Variants in PCDHGA3 observed in about 807,000 individuals in gnomAD.
PCDHGA3 encodes protocadherin gamma subfamily A, 3, also known as protocadherin gamma-A3.
PCDHGA3 carries 40 observed loss-of-function variants against 58.5 expected under a neutral mutation model. The observed-to-expected ratio is 0.68, with a 90% CI of 0.53 to 0.89. PCDHGA3 has a LOEUF of 0.89. Ranked by LOEUF, PCDHGA3 falls within the 40% of genes least tolerant of loss-of-function variation. The probability of loss-of-function intolerance (pLI) is 0.00; values close to 1 mark genes in which losing one functional copy is unlikely to be tolerated. For synonymous variants in PCDHGA3, 530 were observed against 525.7 expected (o/e 1.01, Z -0.11); for missense variants, 1,223 against 1,195.9 (o/e 1.02, Z -0.33).
At chr5:141,473,330 C>T (rs1431360397) in intron 1 of PCDHGA3, among the ~76,000 whole-genome samples, 2 of 152,208 alleles carry the variant, frequency 1.3e-5, no homozygotes, top group East Asian at 3.8e-4. Flanking sequence ...TAAGTGCCTG[C>T]TGTGCTAGAC....
chr5:141,497,197 A>G (rs1243476120), intron 2 of PCDHGA3, among the ~76,000 whole-genome samples: 2 of 106,804 alleles, frequency 1.9e-5, no homozygotes, highest in African/African-American at 5.7e-5. Flanking sequence ...GCAGAGAACA[A>G]TGTGAGTGTA....
intron 1 of PCDHGA3, chr5:141,400,317 G>A: frequency 6.2e-7 from 1 of 1,614,078 alleles, no homozygotes; most frequent in Middle Eastern, 1.6e-4. Flanking sequence ...TCTGTGTCAA[G>A]TCTGGACCTG....
At chr5:141,466,022 T>C (rs1053231186) in intron 1 of PCDHGA3, among the ~76,000 whole-genome samples, 4 of 151,628 alleles carry the variant, frequency 2.6e-5, no homozygotes, top group African/African-American at 9.7e-5. Flanking sequence ...CTCGGGAGGG[T>C]GAGGCAGGAG....
At chr5:141,495,591 C>G (rs2099762279) in intron 2 of PCDHGA3, among the ~76,000 whole-genome samples, 3 of 152,222 alleles carry the variant, frequency 2.0e-5, no homozygotes, top group African/African-American at 7.2e-5. Context: ...CCATCTCTGT[C>G]TTAGCTTCCG....
rs564367150 is a variant in PCDHGA3 at position 141,464,990 on chromosome 5, C to T, written c.2425-29817C>T. Among the ~76,000 whole-genome samples, 147 of 152,192 alleles carry T rather than the reference C, an allele frequency of 9.7e-4. 1 individual carries two copies. Among genetic ancestry groups the T allele is most frequent in the African/African-American group, 3.5e-3 (144 of 41,536 alleles). On this transcript the variant is annotated intron_variant, in intron 1 of 3. Transcript: ENST00000253812. ...CTACTGGCTTCAAGTGATCCTCCCA[C>T]CTCAGCCTCCCAAAGTGCTAAGATT...
At chr5:141,409,389 C>T (rs1445649056) in intron 1 of PCDHGA3, 2 of 1,613,888 alleles carry the variant, frequency 1.2e-6, no homozygotes, top group Non-Finnish European at 1.7e-6. Flanking sequence ...AAGATTTATT[C>T]TTCTTCCAAT....
chr5:141,419,317 T>C, intron 1 of PCDHGA3: 1 of 1,613,952 alleles, frequency 6.2e-7, no homozygotes, highest in Non-Finnish European at 8.5e-7. Flanking sequence ...TCAACGGCCG[T>C]GTCTCCTACT....
intron 1 of PCDHGA3, chr5:141,388,813 T>G: frequency 6.2e-7 from 1 of 1,613,884 alleles, no homozygotes; most frequent in Non-Finnish European, 8.5e-7. Flanking sequence ...TTTGAAGAAG[T>G]CAAAGAATAT....
At position 141,491,660 on chromosome 5, in the gene PCDHGA3, C is replaced by G; in HGVS notation, c.2425-3147C>G. 6.2e-7 allele frequency: 1 copy of G among 1,613,810 alleles called. No individual in the cohort carries two copies. ...ACAGCTCTGGCGCTGGAGCCTGACG[C>G]CATCCGGTCCCGCTCTAATACGCTG... is the stretch of plus-strand genomic sequence containing the variant. On this transcript the variant is annotated intron_variant, in intron 1 of 3. Transcript: ENST00000253812. The surrounding 1 kb of genome is among the most constrained non-coding windows in gnomAD (Gnocchi z 6.9).
chr5:141,393,656 C>T (rs762750239), intron 1 of PCDHGA3: 2 of 1,613,868 alleles, frequency 1.2e-6, no homozygotes, highest in East Asian at 4.5e-5. Context: ...CATACAAATT[C>T]CGGAAAATTA....
At position 141,477,850 on chromosome 5, in the gene PCDHGA3, G is replaced by A; in HGVS notation, c.2425-16957G>A. On this transcript the variant is annotated intron_variant, in intron 1 of 3. Transcript: ENST00000253812. The surrounding 1 kb of genome is among the most constrained non-coding windows in gnomAD (Gnocchi z 4.9). ...CTCGGCCAGGTGGGAGCTCGGTGGAGATGCTGCCTCGAGGTACCTCAGCTG... is the reference window on the plus strand; with the variant it reads ...CTCGGCCAGGTGGGAGCTCGGTGGAAATGCTGCCTCGAGGTACCTCAGCTG... 6.2e-7 allele frequency: 1 copy of A among 1,613,446 alleles called. No homozygotes were observed. Among genetic ancestry groups the A allele is most frequent in the Admixed American group, 1.7e-5 (1 of 59,958 alleles).
intron 1 of PCDHGA3, chr5:141,389,237 A>G (rs758770216): frequency 3.1e-6 from 5 of 1,612,662 alleles, no homozygotes; most frequent in Non-Finnish European, 4.2e-6. Flanking sequence ...CGGTTTTCTC[A>G]CAGTCTTCCT....
At chr5:141,352,805 G>T in intron 1 of PCDHGA3, 1 of 888,810 alleles carries the variant, frequency 1.1e-6, no homozygotes, top group South Asian at 1.8e-5. Context: ...GCATAGCCAA[G>T]ATGGTAAAAC....
rs138408376 is a variant in PCDHGA3 at position 141,421,859 on chromosome 5, T to C, written c.2425-72948T>C. The stretch of plus-strand genomic sequence containing the variant: ...CGAGAGAAAGAGGCTGCTCACCTGC[T>C]CCTCCTCACAGCTTTAGATGGAGGC... On this transcript the variant is annotated intron_variant, in intron 1 of 3. Coordinates refer to ENST00000253812, the MANE Select transcript of PCDHGA3 (RefSeq NM_018916.4). The C allele has an allele frequency of 1.7e-3, 2,741 of 1,613,710 alleles. 8 individuals carry two copies. Among genetic ancestry groups the C allele is most frequent in the Middle Eastern group, 8.1e-3 (49 of 6,062 alleles).
intron 1 of PCDHGA3, chr5:141,356,052 AAG>A (rs766597679): frequency 1.9e-6 from 3 of 1,613,984 alleles, no homozygotes; most frequent in Admixed American, 3.3e-5. Flanking sequence ...TCCGGAAAGT[AAG>A]AGACAAAATA....
At chr5:141,412,935 G>T in intron 1 of PCDHGA3, 1 of 453,864 alleles carries the variant, frequency 2.2e-6, no homozygotes, top group East Asian at 3.4e-5. Flanking sequence ...AACTTCTTAG[G>T]ACTCTGAGCG....
intron 1 of PCDHGA3, among the ~76,000 whole-genome samples, chr5:141,381,836 T>TCTTCTTC (rs1247595630): frequency 6.4e-5 from 9 of 139,950 alleles, no homozygotes; most frequent in African/African-American, 2.6e-4. Flanking sequence ...CTTTTTTTTT[T>TCTTCTTC]TTTTTTTTTT....
In PCDHGA3 at chr5:141,365,348, G is replaced by A. The variant is rs770428432; in HGVS notation, c.2424+18891G>A. ...TAAGGTGGTGGTCACAGTACAGGAC[G>A]TGAATGACAATGCCCCCGAAGTGAT... On this transcript the variant is annotated intron_variant, in intron 1 of 3. Transcript: ENST00000253812. 4 of 1,613,954 alleles carry A rather than the reference G, an allele frequency of 2.5e-6. No homozygotes were observed. Among genetic ancestry groups the A allele is most frequent in the African/African-American group, 1.3e-5 (1 of 75,034 alleles).
At chr5:141,467,564 G>A (rs926613546) in intron 1 of PCDHGA3, among the ~76,000 whole-genome samples, 5 of 152,152 alleles carry the variant, frequency 3.3e-5, no homozygotes, top group Admixed American at 3.3e-4. Flanking sequence ...TTCCCAAATG[G>A]CTATCCAGTT....
Sources: gnomAD v4.1 joint callset for allele counts (sites outside exome capture counted in the v4.1 genomes callset) on GRCh38, gnomAD v4.1.1 for gene constraint, Gnocchi (gnomAD v3.1) non-coding constraint, MANE v1.5 for transcripts, NCBI Gene and HGNC (gene_info 2026-07-23, HGNC 2026-07-21) for gene names.